SLC16A2: variants seen among roughly 807,000 people sequenced by gnomAD.
SLC16A2 encodes the protein solute carrier family 16 member 2, also known as monocarboxylate transporter 8.
SLC16A2 carries 3 observed loss-of-function variants against 27.2 expected under a neutral mutation model. That is an observed-to-expected ratio of 0.11 (90% CI 0.05 to 0.28). SLC16A2 has a LOEUF of 0.28. Ranked by LOEUF, SLC16A2 falls within the 10% of genes least tolerant of loss-of-function variation. SLC16A2 has a pLI of 1.00. For synonymous variants in SLC16A2, 202 were observed against 187.8 expected, an observed-to-expected ratio of 1.08 and a Z score of -0.62; for missense variants, 295 against 458.5, an observed-to-expected ratio of 0.64 and a Z score of 3.26.
intron 1 of SLC16A2, among the ~76,000 whole-genome samples, chrX:74,496,930 C>A (rs761347587): frequency 9.0e-6 from 1 of 111,681 alleles, no homozygotes; most frequent in Non-Finnish European, 1.9e-5. Flanking sequence ...TGTGCTAGTG[C>A]CTGTTGGTGC....
In SLC16A2 at chrX:74,525,648, C is replaced by G. The variant is rs753846922; in HGVS notation, c.1027-102C>G. Reference sequence around the variant, plus strand: ...CAGGAGAGGGGGTTTCTGTCCTGCTCCAGGAAAGTAAGCAGTAGGGGATTC... The same window carrying G: ...CAGGAGAGGGGGTTTCTGTCCTGCTGCAGGAAAGTAAGCAGTAGGGGATTC... On this transcript the variant is annotated intron_variant, in intron 3 of 5. Transcript: ENST00000587091. 6 of 991,611 alleles carry G rather than the reference C, an allele frequency of 6.1e-6. No homozygotes were observed. The East Asian group carries it at 1.5e-4, about 25-fold the overall frequency. 81.7% of individuals were successfully genotyped at this position (991,611 alleles called of 1,213,427 possible).
intron 1 of SLC16A2, among the ~76,000 whole-genome samples, chrX:74,503,215 C>G (rs1335178508): frequency 9.1e-6 from 1 of 110,485 alleles, no homozygotes; most frequent in African/African-American, 3.3e-5. Context: ...TCTAAAGGAC[C>G]CTGACCTTCT....
At chrX:74,506,776 TAGA>T (rs1214785065) in intron 1 of SLC16A2, among the ~76,000 whole-genome samples, 1 of 110,586 alleles carries the variant, frequency 9.0e-6, no homozygotes, top group African/African-American at 3.3e-5. Context: ...CACAGTGCAG[TAGA>T]AGGAGCACAG....
At chrX:74,422,425 CTT>C (rs771087132) in intron 1 of SLC16A2, among the ~76,000 whole-genome samples, 2 of 102,125 alleles carry the variant, frequency 2.0e-5, no homozygotes. Context: ...ATTTGCAGGA[CTT>C]TTTTTTTTTT....
chrX:74,521,617 T>C lies in SLC16A2; in HGVS notation c.575+483T>C, dbSNP rs950493765. Among the ~76,000 whole-genome samples, 6 of 112,488 alleles carry C rather than the reference T, an allele frequency of 5.3e-5. No individual in the cohort carries two copies. In the Admixed American group the frequency reaches 5.6e-4, roughly 11 times the overall value. Reference sequence around the variant, plus strand: ...ATTGAGCTTCTCGAGTGAGCCCATGTGAACACCTAGCACAGGATTCCCAAA... The same window carrying C: ...ATTGAGCTTCTCGAGTGAGCCCATGCGAACACCTAGCACAGGATTCCCAAA... On this transcript the variant is annotated intron_variant, in intron 2 of 5. Transcript: ENST00000587091.
chrX:74,429,727 G>A (rs922935583), intron 1 of SLC16A2, among the ~76,000 whole-genome samples: 2 of 112,077 alleles, frequency 1.8e-5, no homozygotes, highest in Middle Eastern at 4.2e-3. Context: ...GGTGTGTGAT[G>A]TCTGTCCAAG....
intron 1 of SLC16A2, among the ~76,000 whole-genome samples, chrX:74,474,720 A>G (rs1929430905): frequency 9.1e-6 from 1 of 110,364 alleles, no homozygotes; most frequent in Admixed American, 9.7e-5. Flanking sequence ...ACGAGTGAGA[A>G]CATGCCGTGT....
chrX:74,454,722 T>TA (rs576182828), intron 1 of SLC16A2, among the ~76,000 whole-genome samples: 32 of 105,868 alleles, frequency 3.0e-4, no homozygotes, highest in East Asian at 1.2e-3. Context: ...AAACTTAAAA[T>TA]AAAAAAAAAA....
At chrX:74,512,992 G>A (rs1438907079) in intron 1 of SLC16A2, among the ~76,000 whole-genome samples, 1 of 111,487 alleles carries the variant, frequency 9.0e-6, no homozygotes, top group Non-Finnish European at 1.9e-5. Flanking sequence ...TAGGAGAGGG[G>A]TAGGCCTTGT....
At chrX:74,429,850 T>G (rs372751253) in intron 1 of SLC16A2, among the ~76,000 whole-genome samples, 1 of 111,702 alleles carries the variant, frequency 9.0e-6, no homozygotes, top group African/African-American at 3.3e-5. Context: ...CCTTTGTTCA[T>G]GGCCCATGTC....
intron 1 of SLC16A2, among the ~76,000 whole-genome samples, chrX:74,441,914 G>C (rs1426623468): frequency 1.8e-5 from 2 of 111,043 alleles, no homozygotes. Flanking sequence ...TGCCCCAGGA[G>C]TGTCAGGACT....
Position 74,525,897 on chromosome X carries a change from A to C in SLC16A2, c.1170+4A>C. Reference sequence around the variant, plus strand: ...ACTTAAGAAGATCTACTTGCAGGTGAGTGTGACCACTTGTCCACTGTGGGG... The same window carrying C: ...ACTTAAGAAGATCTACTTGCAGGTGCGTGTGACCACTTGTCCACTGTGGGG... On this transcript the variant is annotated splice_donor_region_variant and intron_variant, in intron 4 of 5. Transcript: ENST00000587091. The C allele has an allele frequency of 8.3e-7, 1 of 1,211,057 alleles. No homozygotes were observed. Among genetic ancestry groups the C allele is most frequent in the Non-Finnish European group, 1.1e-6 (1 of 895,158 alleles).
At chrX:74,503,270 A>C (rs947729067) in intron 1 of SLC16A2, among the ~76,000 whole-genome samples, 3 of 110,943 alleles carry the variant, frequency 2.7e-5, no homozygotes, top group Non-Finnish European at 1.9e-5. Flanking sequence ...GATGGGGAGT[A>C]GACTAGGTTT....
chrX:74,430,394 A>G (rs1218694736), intron 1 of SLC16A2, among the ~76,000 whole-genome samples: 2 of 111,607 alleles, frequency 1.8e-5, no homozygotes, highest in South Asian at 3.8e-4. Context: ...TCATTCCTGT[A>G]CCTTCCGGCA....
rs143864534 is a variant in SLC16A2 at position 74,432,888 on chromosome X, A to G, written c.430+10821A>G. The stretch of plus-strand genomic sequence containing the variant: ...GTGAAAAGAGATGGAGACAAAATTC[A>G]AAAGGTATGATGGTGAAAAGTCTCT... On this transcript the variant is annotated intron_variant, in intron 1 of 5. Transcript: ENST00000587091. Among the ~76,000 whole-genome samples, 285 of 111,595 alleles carry G rather than the reference A, an allele frequency of 2.6e-3. 1 individual carries two copies. The highest frequency in any genetic ancestry group is 0.014 in the Middle Eastern group (3 of 218).
intron 1 of SLC16A2, among the ~76,000 whole-genome samples, chrX:74,515,602 A>G (rs939745262): frequency 9.0e-6 from 1 of 111,705 alleles, no homozygotes; most frequent in Non-Finnish European, 1.9e-5. Flanking sequence ...AAGACACATC[A>G]TAGTCAAACT....
rs764054931 is a variant in SLC16A2 at position 74,499,603 on chromosome X, G to A, written c.431-21387G>A. On this transcript the variant is annotated intron_variant, in intron 1 of 5. Transcript: ENST00000587091. ...CAAGTAGCTGGGATTGCAAGCATGC[G>A]CCACCACATCTGGCTCATTTTTGTA... Among the ~76,000 whole-genome samples, 14 of 109,372 alleles carry A rather than the reference G, an allele frequency of 1.3e-4. No homozygotes were observed. In the South Asian group the frequency reaches 3.6e-3, roughly 28 times the overall value. 95.0% of individuals were successfully genotyped at this position (109,372 alleles called of 115,157 possible).
rs1930603535 is a variant in SLC16A2, at chrX:74,533,463, TAAC to T, written c.*1911_*1913del. On this transcript the variant is annotated 3_prime_UTR_variant, in exon 6 of 6. Coordinates refer to ENST00000587091, the MANE Select transcript of SLC16A2 (RefSeq NM_006517.5). ...GAGAATCTGGGCCCTAGGAGCCCTG[TAAC>T]TCCCAGGAGAGACCACTGAAAATAC... is the stretch of plus-strand genomic sequence containing the variant. The T allele has an allele frequency of 8.9e-6, 1 of 112,301 alleles. No homozygotes were observed. The highest frequency in any genetic ancestry group is 1.9e-5 in the Non-Finnish European group (1 of 53,175). 9.3% of individuals were successfully genotyped at this position (112,301 alleles called of 1,213,427 possible). A position where few individuals can be genotyped will look rare whatever the true frequency, so the allele number is the denominator to read the frequency against.
intron 1 of SLC16A2, among the ~76,000 whole-genome samples, chrX:74,460,973 A>T (rs1929130466): frequency 8.9e-6 from 1 of 112,108 alleles, no homozygotes; most frequent in African/African-American, 3.2e-5. Flanking sequence ...GTTTCTAAAC[A>T]TTGGAGAAGT....
Sources: allele counts gnomAD v4.1 joint callset (sites outside exome capture counted in the v4.1 genomes callset), GRCh38; gene constraint gnomAD v4.1.1; transcripts MANE v1.5; gene names NCBI Gene and HGNC (gene_info 2026-07-23, HGNC 2026-07-21).